FER: variants seen among roughly 807,000 people sequenced by gnomAD.
FER encodes the protein tyrosine-protein kinase Fer.
Under a neutral mutation model 111.0 loss-of-function variants are expected in FER, and 63 were observed. That is an observed-to-expected ratio of 0.57 (90% CI 0.46 to 0.70). The LOEUF (loss-of-function observed/expected upper bound fraction) is 0.70. FER is among the 30% of genes least tolerant of loss of function. The probability of loss-of-function intolerance (pLI) is 0.00; values close to 1 mark genes in which losing one functional copy is unlikely to be tolerated. For synonymous variants in FER, 327 were observed against 313.9 expected, an observed-to-expected ratio of 1.04 and a Z score of -0.44; for missense variants, 914 against 954.0, an observed-to-expected ratio of 0.96 and a Z score of 0.55.
intron 1 of FER, among the ~76,000 whole-genome samples, chr5:108,761,792 G>T (rs1171719442): frequency 6.6e-6 from 1 of 152,154 alleles, no homozygotes; most frequent in African/African-American, 2.4e-5. Flanking sequence ...TGCTTATTAA[G>T]AATTGCTGAC....
intron 16 of FER, among the ~76,000 whole-genome samples, chr5:109,096,449 T>C (rs1747522531): frequency 6.6e-6 from 1 of 151,976 alleles, no homozygotes; most frequent in African/African-American, 2.4e-5. Context: ...GTATGTAATT[T>C]GGTGGCTCAG....
At position 109,044,694 on chromosome 5, in the gene FER, A is replaced by G; in HGVS notation, c.1728A>G (p.Glu576=). 6.5e-7 allele frequency: 1 copy of G among 1,537,228 alleles called. No individual in the cohort carries two copies. Among genetic ancestry groups the G allele is most frequent in the Non-Finnish European group, 8.8e-7 (1 of 1,139,556 alleles). ...GELLGKGNFG[E]VYKGTLKDKT... ...TCTATTTTCAGGGAAATTTTGGTGAAGTATATAAGGGCACATTAAAGGATA... is the reference window on the plus strand; with the variant it reads ...TCTATTTTCAGGGAAATTTTGGTGAGGTATATAAGGGCACATTAAAGGATA... The change falls in exon 15 of 20, where the codon GAA becomes GAG. Residue 576 remains glutamate, a synonymous_variant. Transcript: ENST00000281092.
intron 17 of FER, among the ~76,000 whole-genome samples, chr5:109,167,084 CTA>C (rs1240635427): frequency 6.6e-6 from 1 of 152,118 alleles, no homozygotes; most frequent in African/African-American, 2.4e-5. Flanking sequence ...GTTTGCATAA[CTA>C]TCTCTTCTTA....
At chr5:108,992,690 C>G (rs1490608811) in intron 13 of FER, among the ~76,000 whole-genome samples, 1 of 151,612 alleles carries the variant, frequency 6.6e-6, no homozygotes. Context: ...TGACCCCCAC[C>G]TCCCTCCCGG....
chr5:109,102,630 TATA>T lies in FER; in HGVS notation c.2048+2114_2048+2116del, dbSNP rs201769146. ...TATGACTTTTCCTTACTAGCAACAA[TATA>T]ATGTTTTTCTTTAATCACTTTCATT... is the stretch of plus-strand genomic sequence containing the variant. On this transcript the variant is annotated intron_variant, in intron 17 of 19. Coordinates refer to ENST00000281092, the MANE Select transcript of FER (RefSeq NM_005246.4). 9.2e-5 allele frequency among the ~76,000 whole-genome samples: 14 copies of T among 152,314 alleles called. No homozygotes were observed. The East Asian group carries it at 2.3e-3, about 25-fold the overall frequency.
intron 16 of FER, among the ~76,000 whole-genome samples, chr5:109,093,041 A>T (rs1165659265): frequency 6.6e-6 from 1 of 152,218 alleles, no homozygotes; most frequent in Non-Finnish European, 1.5e-5. Flanking sequence ...CTTATATGGG[A>T]TATCTGAAGT....
chr5:108,844,285 C>T (rs1761656345), intron 5 of FER, among the ~76,000 whole-genome samples: 1 of 152,026 alleles, frequency 6.6e-6, no homozygotes, highest in Non-Finnish European at 1.5e-5. Context: ...TCCAACACAA[C>T]CCTAATTTAA....
chr5:109,179,358 G>C (rs1308616781), intron 17 of FER, among the ~76,000 whole-genome samples: 1 of 151,972 alleles, frequency 6.6e-6, no homozygotes, highest in African/African-American at 2.4e-5. Flanking sequence ...TATGCCCTTT[G>C]TCAGGTTAAA....
At chr5:109,041,036 GAGAAGAGAAT>G (rs1194733986) in intron 14 of FER, among the ~76,000 whole-genome samples, 1 of 152,138 alleles carries the variant, frequency 6.6e-6, no homozygotes, top group Non-Finnish European at 1.5e-5. Flanking sequence ...TGGGAGATTT[GAGAAGAGAAT>G]AGAAGAGAAG....
In FER at chr5:108,978,696, GT is replaced by G. The variant is rs1425154717; in HGVS notation, c.1656+19353del. 2.0e-5 allele frequency among the ~76,000 whole-genome samples: 3 copies of G among 152,148 alleles called. No individual in the cohort carries two copies. The East Asian group carries it at 5.8e-4, about 29-fold the overall frequency. On this transcript the variant is annotated intron_variant, in intron 13 of 19. Transcript: ENST00000281092. ...CTCAATAAATATGCGTTGAGAGAAT[GT>G]TTTAAAGAACAGAACACTATATATA... is the stretch of plus-strand genomic sequence containing the variant.
chr5:109,166,268 G>A (rs574139598), intron 17 of FER, among the ~76,000 whole-genome samples: 164 of 152,056 alleles, frequency 1.1e-3, no homozygotes, highest in African/African-American at 3.7e-3. Context: ...CTTGGAAGAG[G>A]GAAAATTTAG....
At chr5:109,172,948 GA>G (rs920869738) in intron 17 of FER, among the ~76,000 whole-genome samples, 3 of 152,158 alleles carry the variant, frequency 2.0e-5, no homozygotes, top group African/African-American at 7.2e-5. Context: ...TAAATGCAAA[GA>G]AAGGTCCACT....
chr5:108,962,056 G>A (rs1759219459), intron 13 of FER, among the ~76,000 whole-genome samples: 1 of 152,038 alleles, frequency 6.6e-6, no homozygotes, highest in African/African-American at 2.4e-5. Context: ...CTAACTTGAG[G>A]ACAGAATGGC....
intron 1 of FER, among the ~76,000 whole-genome samples, chr5:108,751,017 A>C (rs563376972): frequency 1.3e-5 from 2 of 152,150 alleles, no homozygotes; most frequent in Admixed American, 6.5e-5. Context: ...AAATGGAGAA[A>C]CATGGTCTCT....
intron 17 of FER, among the ~76,000 whole-genome samples, chr5:109,116,493 A>G (rs925159853): frequency 3.9e-5 from 6 of 152,036 alleles, no homozygotes; most frequent in African/African-American, 1.4e-4. Context: ...TTGAAAGTAT[A>G]TTTTGACAAT....
At chr5:108,750,591 A>G (rs1750370952) in intron 1 of FER, among the ~76,000 whole-genome samples, 1 of 152,262 alleles carries the variant, frequency 6.6e-6, no homozygotes, top group African/African-American at 2.4e-5. Flanking sequence ...AAAACTATGT[A>G]GTGTCAAGTT....
At chr5:108,937,342 A>G (rs983394090) in intron 10 of FER, among the ~76,000 whole-genome samples, 1 of 151,998 alleles carries the variant, frequency 6.6e-6, no homozygotes, top group African/African-American at 2.4e-5. Context: ...TTATGAGTTC[A>G]GTAATATATT....
intron 6 of FER, among the ~76,000 whole-genome samples, chr5:108,870,388 A>G (rs1764488881): frequency 6.6e-6 from 1 of 152,124 alleles, no homozygotes; most frequent in African/African-American, 2.4e-5. Flanking sequence ...CATTAGCAAC[A>G]TTCAGTACTT....
At chr5:108,940,014 CA>C in intron 10 of FER, among the ~76,000 whole-genome samples, 1 of 151,964 alleles carries the variant, frequency 6.6e-6, no homozygotes, top group Non-Finnish European at 1.5e-5. Context: ...TCCTCTGCAA[CA>C]AATACAAAAC....
Sources: gnomAD v4.1 joint callset for allele counts (sites outside exome capture counted in the v4.1 genomes callset) on GRCh38, gnomAD v4.1.1 for gene constraint, MANE v1.5 for transcripts, NCBI Gene and HGNC (gene_info 2026-07-23, HGNC 2026-07-21) for gene names.